The following IARS2 variants were observed in gnomAD, a reference collection of about 807,000 sequenced individuals.
IARS2 encodes the protein isoleucyl-tRNA synthetase 2, mitochondrial.
A neutral mutation model predicts 126.3 loss-of-function variants in IARS2; 56 were observed. The observed-to-expected ratio is 0.44, with a 90% CI of 0.36 to 0.55. The LOEUF is 0.55. IARS2 is among the 20% of genes least tolerant of loss of function. The pLI, the probability that IARS2 is intolerant of heterozygous loss-of-function variation, is 0.00. For missense variants in IARS2, 1,127 were observed against 1,245.9 expected, an observed-to-expected ratio of 0.90 and a Z score of 1.44; for synonymous variants, 407 against 441.1, an observed-to-expected ratio of 0.92 and a Z score of 0.97.
chr1:220,100,374 A>G, intron 2 of IARS2, 116 bp from the exon 3 acceptor site: 4 of 865,166 alleles, frequency 4.6e-6, no homozygotes, highest in Non-Finnish European at 6.9e-6. Context: ...AAGAACATAA[A>G]TTGTAGGCCA....
Position 220,102,346 on chromosome 1 carries a change from A to G in IARS2, c.700-17A>G. 6.2e-7 allele frequency: 1 copy of G among 1,612,654 alleles called. No homozygotes were observed. Among genetic ancestry groups the G allele is most frequent in the Non-Finnish European group, 8.5e-7 (1 of 1,179,664 alleles). Reference sequence around the variant, plus strand: ...TACAAGATTCTACTTTTAACATCATATTTTTGTCTTTTATAGGGCTTGGTT... The same window carrying G: ...TACAAGATTCTACTTTTAACATCATGTTTTTGTCTTTTATAGGGCTTGGTT... On this transcript the variant is annotated splice_polypyrimidine_tract_variant and intron_variant, in intron 4 of 22. Transcript: ENST00000366922.
chr1:220,145,695 G>T (rs1436639928), intron 22 of IARS2, 42 bp downstream of exon 22: 5 of 1,546,830 alleles, frequency 3.2e-6, no homozygotes, highest in South Asian at 1.2e-5. Flanking sequence ...CTGGAGAATT[G>T]AATAATTATA....
intron 12 of IARS2, among the ~76,000 whole-genome samples, chr1:220,115,361 G>C (rs1353045594): frequency 2.7e-5 from 4 of 150,312 alleles, no homozygotes; most frequent in Non-Finnish European, 6.0e-5. Flanking sequence ...AGGAGTTCAA[G>C]ACCAGCCTGG....
chr1:220,140,296 A>G lies in IARS2; in HGVS notation c.2414+7A>G, dbSNP rs1657458777. 2.7e-6 allele frequency: 4 copies of G among 1,472,720 alleles called. No homozygotes were observed. The highest frequency in any genetic ancestry group is 3.8e-6 in the Non-Finnish European group (4 of 1,052,552). The allele number at this position is 1,472,720 out of a possible 1,614,324, so 91.2% of individuals were successfully genotyped here. A position where few individuals can be genotyped will look rare whatever the true frequency, so the allele number is the denominator to read the frequency against. On this transcript the variant is annotated splice_region_variant and intron_variant, in intron 19 of 22. Coordinates refer to ENST00000366922, the MANE Select transcript of IARS2 (RefSeq NM_018060.4). ...TCAGTATAATCAAAGATAGGTATGT[A>G]TGACTAAATATTAAAATGCTTAACA...
chr1:220,142,167 G>A (rs1424834622), intron 20 of IARS2, among the ~76,000 whole-genome samples: 1 of 152,174 alleles, frequency 6.6e-6, no homozygotes, highest in Non-Finnish European at 1.5e-5. Context: ...CAGCTTGACA[G>A]TGTCGAGAAA....
chr1:220,111,065 C>T (rs916605670), intron 11 of IARS2, 128 bp downstream of exon 11: 1 of 856,372 alleles, frequency 1.2e-6, no homozygotes. Flanking sequence ...AGTTTCATAA[C>T]ATTGTAGAAT....
intron 3 of IARS2, among the ~76,000 whole-genome samples, chr1:220,101,075 A>T (rs972711687): frequency 1.3e-5 from 2 of 151,886 alleles, no homozygotes; most frequent in Non-Finnish European, 2.9e-5. Context: ...TCTTTTTCTT[A>T]TATGTTATAC....
intron 22 of IARS2, among the ~76,000 whole-genome samples, chr1:220,146,945 T>C (rs1657607783): frequency 6.6e-6 from 1 of 152,212 alleles, no homozygotes; most frequent in South Asian, 2.1e-4. Context: ...ATGCTGGGAT[T>C]ACAGGCTTGA....
rs3738336 is a variant in IARS2, at chr1:220,145,768, A to G, written c.2896+115A>G. On this transcript the variant is annotated intron_variant, in intron 22 of 22. Transcript: ENST00000366922. ...AAAGGTAGATATATACTTGGAATAC[A>G]TCTTTCTATGGAAATAATAAAAACA... The G allele has an allele frequency of 0.17, 128,535 of 760,970 alleles. 12,346 individuals carry two copies. The highest frequency in any genetic ancestry group is 0.24 in the Admixed American group (6,841 of 28,406). 47.1% of individuals were successfully genotyped at this position (760,970 alleles called of 1,614,324 possible). A position where few individuals can be genotyped will look rare whatever the true frequency, so the allele number is the denominator to read the frequency against.
At position 220,102,509 on chromosome 1, in the gene IARS2, A is replaced by G; in HGVS notation, c.764A>G (p.Glu255Gly). 5.6e-6 allele frequency: 9 copies of G among 1,613,886 alleles called. No homozygotes were observed. The highest frequency in any genetic ancestry group is 6.8e-6 in the Non-Finnish European group (8 of 1,179,844). ...WSPSSRTALA[E>G]AELEYNPEHV... is the part of the protein sequence containing the mutation. ...TTAACCCTTAGGACTGCATTGGCTGAAGCAGAACTTGAATATAATCCTGAG... is the reference window on the plus strand; with the variant it reads ...TTAACCCTTAGGACTGCATTGGCTGGAGCAGAACTTGAATATAATCCTGAG... The change falls in exon 6 of 23, where the codon GAA (glutamate) becomes GGA (glycine). Residue 255 changes from glutamate (E) to glycine (G), a missense_variant. Transcript: ENST00000366922.
At chr1:220,142,629 A>G (rs760176076) in intron 20 of IARS2, among the ~76,000 whole-genome samples, 59 of 152,158 alleles carry the variant, frequency 3.9e-4, no homozygotes, top group Non-Finnish European at 7.8e-4. Context: ...AAGTGTAGGA[A>G]GAGGGGGAAG....
chr1:220,118,750 A>G lies in IARS2; in HGVS notation c.1640+4276A>G, dbSNP rs74139285. On this transcript the variant is annotated intron_variant, in intron 12 of 22. Transcript: ENST00000366922. ...AGTAAAAATAGCCAAGGAATTTCCA[A>G]TATAATTTGAGTGTTAACTTTAGCT... Among the ~76,000 whole-genome samples, 591 of 152,232 alleles carry G rather than the reference A, an allele frequency of 3.9e-3. 4 individuals are homozygous for G. The highest frequency in any genetic ancestry group is 0.014 in the African/African-American group (576 of 41,568).
chr1:220,109,855 A>G (rs910370187), intron 10 of IARS2, among the ~76,000 whole-genome samples: 2 of 152,194 alleles, frequency 1.3e-5, no homozygotes, highest in African/African-American at 4.8e-5. Context: ...AGACCATTTT[A>G]AGATTCATGG....
intron 11 of IARS2, among the ~76,000 whole-genome samples, chr1:220,112,111 C>G (rs1425073070): frequency 1.4e-5 from 2 of 139,736 alleles, no homozygotes; most frequent in Non-Finnish European, 3.1e-5. Flanking sequence ...ATCTACACCC[C>G]TCCGACCACC....
At chr1:220,105,332 T>C (rs1051208220) in intron 8 of IARS2, among the ~76,000 whole-genome samples, 1 of 152,182 alleles carries the variant, frequency 6.6e-6, no homozygotes, top group Non-Finnish European at 1.5e-5. Flanking sequence ...TTTTTGAAAG[T>C]GTTAAGGTTG....
At chr1:220,105,580 C>G (rs1428865691) in intron 8 of IARS2, among the ~76,000 whole-genome samples, 2 of 152,052 alleles carry the variant, frequency 1.3e-5, no homozygotes, top group African/African-American at 4.8e-5. Context: ...TATTTCTTAT[C>G]AATTACTTAG....
At chr1:220,101,567 T>C (rs1262162495) in intron 3 of IARS2, among the ~76,000 whole-genome samples, 22 of 152,070 alleles carry the variant, frequency 1.4e-4, no homozygotes, top group Admixed American at 1.4e-3. Context: ...CCAGGTATGG[T>C]GGCTCACGCC....
intron 19 of IARS2, among the ~76,000 whole-genome samples, chr1:220,141,384 TGGTAATGAGTCCAGTCTGA>T (rs1657490967): frequency 6.6e-6 from 1 of 152,174 alleles, no homozygotes; most frequent in African/African-American, 2.4e-5. Context: ...CCTACCTTCA[TGGTAATGAGTCCAGTCTGA>T]GGCGTTATCC....
Position 220,096,101 on chromosome 1 carries a change from C to G in IARS2, c.268-3C>G. 7.2e-7 allele frequency: 1 copy of G among 1,389,178 alleles called. No homozygotes were observed. The highest frequency in any genetic ancestry group is 1.0e-6 in the Non-Finnish European group (1 of 1,001,776). The allele number at this position is 1,389,178 out of a possible 1,614,324, so 86.1% of individuals were successfully genotyped here. On this transcript the variant is annotated splice_region_variant and splice_polypyrimidine_tract_variant and intron_variant, in intron 1 of 22. Coordinates refer to ENST00000366922, the MANE Select transcript of IARS2 (RefSeq NM_018060.4). ...TTAGATATCTTTTTTTTTTTTAAAA[C>G]AGAAATGTGGATTTTCAGAACTTTA... is the stretch of plus-strand genomic sequence containing the variant.
Sources: allele counts gnomAD v4.1 joint callset (sites outside exome capture counted in the v4.1 genomes callset), GRCh38; gene constraint gnomAD v4.1.1; transcripts MANE v1.5; gene names NCBI Gene and HGNC (gene_info 2026-07-23, HGNC 2026-07-21).